The following LPGAT1 variants were observed in gnomAD, a reference collection of about 807,000 sequenced individuals.
The protein encoded by LPGAT1 is acyl-CoA:lysophosphatidylglycerol acyltransferase 1.
In LPGAT1, 11 loss-of-function variants were observed where a neutral mutation model predicts 47.5. The ratio of observed to expected loss-of-function variants is 0.23; its 90% CI spans 0.15 to 0.38. LPGAT1 has a LOEUF of 0.38. Ranked by LOEUF, LPGAT1 falls within the 10% of genes least tolerant of loss-of-function variation. LPGAT1 has a pLI of 1.00. For missense variants in LPGAT1, 293 were observed against 439.0 expected (o/e 0.67, Z 2.97); for synonymous variants, 138 against 144.2 (o/e 0.96, Z 0.31).
At chr1:211,789,727 G>A (rs138241450) in intron 3 of LPGAT1, among the ~76,000 whole-genome samples, 12,715 of 152,022 alleles carry the variant, frequency 0.084, 654 homozygotes, top group Admixed American at 0.15. Context: ...AAAATTAGCC[G>A]GGTGTGGTGG....
intron 6 of LPGAT1, among the ~76,000 whole-genome samples, chr1:211,772,152 C>G (rs1380089205): frequency 1.3e-5 from 2 of 152,056 alleles, no homozygotes; most frequent in Non-Finnish European, 2.9e-5. Context: ...CTTTTCCTCC[C>G]ATATTGTGAA....
At chr1:211,816,189 G>A (rs1455107494) in intron 2 of LPGAT1, among the ~76,000 whole-genome samples, 3 of 151,940 alleles carry the variant, frequency 2.0e-5, no homozygotes, top group Non-Finnish European at 4.4e-5. Flanking sequence ...TCCCTCCCTG[G>A]CACCACTAGT....
chr1:211,813,961 C>T (rs183376345), intron 2 of LPGAT1, among the ~76,000 whole-genome samples: 1 of 152,312 alleles, frequency 6.6e-6, no homozygotes, highest in Admixed American at 6.5e-5. Context: ...AGCAATGATT[C>T]CTAACCTTGT....
intron 2 of LPGAT1, among the ~76,000 whole-genome samples, chr1:211,823,360 T>G (rs1206737466): frequency 3.3e-5 from 5 of 152,214 alleles, no homozygotes; most frequent in African/African-American, 1.2e-4. Context: ...ATATTCCATC[T>G]CTTAAATGAA....
intron 6 of LPGAT1, among the ~76,000 whole-genome samples, chr1:211,755,120 G>T (rs1021231789): frequency 6.7e-6 from 1 of 148,670 alleles, no homozygotes; most frequent in African/African-American, 2.5e-5. Context: ...GGTGGATCAC[G>T]AGGTCAGGAG....
At chr1:211,771,451 T>C (rs190787397) in intron 6 of LPGAT1, among the ~76,000 whole-genome samples, 284 of 150,984 alleles carry the variant, frequency 1.9e-3, no homozygotes, top group African/African-American at 6.6e-3. Flanking sequence ...TTGAACACTC[T>C]AGTTTTTAGA....
intron 4 of LPGAT1, among the ~76,000 whole-genome samples, chr1:211,786,395 A>C (rs1382648603): frequency 1.3e-5 from 2 of 152,274 alleles, no homozygotes; most frequent in Non-Finnish European, 2.9e-5. Flanking sequence ...AATTATGTGC[A>C]AAGCACGGCA....
At chr1:211,770,075 TA>T (rs1441227634) in intron 6 of LPGAT1, among the ~76,000 whole-genome samples, 1 of 152,210 alleles carries the variant, frequency 6.6e-6, no homozygotes, top group African/African-American at 2.4e-5. Flanking sequence ...GAATACATGA[TA>T]TTTTTAATGC....
intron 6 of LPGAT1, among the ~76,000 whole-genome samples, chr1:211,772,643 A>G (rs1427165914): frequency 1.4e-4 from 21 of 152,228 alleles, no homozygotes; most frequent in Admixed American, 1.3e-3. Flanking sequence ...ACATTATATG[A>G]TGCCTGAGGC....
At chr1:211,800,646 A>C (rs1363847712) in intron 2 of LPGAT1, among the ~76,000 whole-genome samples, 1 of 152,222 alleles carries the variant, frequency 6.6e-6, no homozygotes, top group African/African-American at 2.4e-5. Context: ...TCAGTACTGC[A>C]AAACTTTTAG....
rs1219509981 is a variant in LPGAT1 at position 211,744,178 on chromosome 1, A to G, written c.*5721T>C. On this transcript the variant is annotated 3_prime_UTR_variant, in exon 8 of 8. Transcript: ENST00000366997. ...TAGGAATTTCCTGAGTTCAGCAAGT[A>G]GATTAACTATGAGAAGTTTATTCAA... is the stretch of plus-strand genomic sequence containing the variant. The G allele has an allele frequency of 6.6e-6, 1 of 152,214 alleles. No individual in the cohort carries two copies. Among genetic ancestry groups the G allele is most frequent in the East Asian group, 1.9e-4 (1 of 5,202 alleles). 9.4% of individuals were successfully genotyped at this position (152,214 alleles called of 1,614,324 possible).
chr1:211,765,795 A>T (rs1040943478), intron 6 of LPGAT1, among the ~76,000 whole-genome samples: 1 of 152,154 alleles, frequency 6.6e-6, no homozygotes, highest in Admixed American at 6.5e-5. Flanking sequence ...TTAATTTTTC[A>T]TATCTGGGCT....
intron 6 of LPGAT1, among the ~76,000 whole-genome samples, chr1:211,774,882 G>C (rs1347139607): frequency 1.3e-5 from 2 of 152,058 alleles, no homozygotes; most frequent in Non-Finnish European, 2.9e-5. Flanking sequence ...TTTCCTAAGT[G>C]TCAGTACAGA....
chr1:211,768,394 A>G (rs574036108), intron 6 of LPGAT1, among the ~76,000 whole-genome samples: 3 of 152,352 alleles, frequency 2.0e-5, no homozygotes, highest in Admixed American at 6.5e-5. Flanking sequence ...TAGTACAATG[A>G]AAAGTACGAG....
intron 1 of LPGAT1, chr1:211,829,564 C>T: frequency 2.2e-6 from 3 of 1,342,054 alleles, no homozygotes; most frequent in Non-Finnish European, 9.6e-7. Flanking sequence ...ATATATTTAG[C>T]AAATGATAAC....
chr1:211,828,952 A>G, intron 2 of LPGAT1, 107 bp downstream of exon 2: 2 of 1,067,346 alleles, frequency 1.9e-6, no homozygotes, highest in South Asian at 3.2e-5. Flanking sequence ...ATTTTTTTCA[A>G]TAGTGAAGAC....
chr1:211,803,927 T>A (rs1198173802), intron 2 of LPGAT1, among the ~76,000 whole-genome samples: 1 of 151,956 alleles, frequency 6.6e-6, no homozygotes, highest in African/African-American at 2.4e-5. Flanking sequence ...TACAGCTAAT[T>A]TCTGTATTTT....
intron 6 of LPGAT1, among the ~76,000 whole-genome samples, chr1:211,778,267 G>A (rs190595299): frequency 0.024 from 3,601 of 151,546 alleles, 79 homozygotes; most frequent in South Asian, 0.11. Flanking sequence ...GCGTGAAGCC[G>A]GGAGGCGGAG....
chr1:211,799,233 A>T (rs1339401402), intron 2 of LPGAT1, among the ~76,000 whole-genome samples: 1 of 152,152 alleles, frequency 6.6e-6, no homozygotes, highest in East Asian at 1.9e-4. Flanking sequence ...GGGGTTACAT[A>T]ACTAAAATAA....
Sources: allele counts gnomAD v4.1 joint callset (sites outside exome capture counted in the v4.1 genomes callset), GRCh38; gene constraint gnomAD v4.1.1; transcripts MANE v1.5; gene names NCBI Gene and HGNC (gene_info 2026-07-23, HGNC 2026-07-21).